CNTNAP4: variants seen among roughly 807,000 people sequenced by gnomAD.
The protein encoded by CNTNAP4 is contactin associated protein family member 4.
A neutral mutation model predicts 148.4 loss-of-function variants in CNTNAP4; 98 were observed. The observed-to-expected ratio is 0.66, with a 90% CI of 0.56 to 0.78. CNTNAP4 has a LOEUF of 0.78. Among genes scored for constraint, CNTNAP4 ranks in the 30% least tolerant of loss-of-function variants. The pLI is 0.00. For missense variants in CNTNAP4, 1,935 were observed against 1,565.6 expected (o/e 1.24, Z -3.98); for synonymous variants, 730 against 565.1 (o/e 1.29, Z -4.14).
intron 10 of CNTNAP4, among the ~76,000 whole-genome samples, chr16:76,474,987 A>G (rs2081513147): frequency 6.6e-6 from 1 of 152,194 alleles, no homozygotes; most frequent in Non-Finnish European, 1.5e-5. Context: ...CCGTTTCTCA[A>G]GACTTGAAAC....
intron 7 of CNTNAP4, among the ~76,000 whole-genome samples, chr16:76,450,530 C>T (rs1401612012): frequency 6.6e-6 from 1 of 152,128 alleles, no homozygotes; most frequent in Non-Finnish European, 1.5e-5. Flanking sequence ...CAGATAACAA[C>T]CATGTATATT....
At chr16:76,409,871 G>A (rs1452394698) in intron 3 of CNTNAP4, among the ~76,000 whole-genome samples, 1 of 151,898 alleles carries the variant, frequency 6.6e-6, no homozygotes, top group Non-Finnish European at 1.5e-5. Flanking sequence ...TGTGCCATCT[G>A]TGAAGACTTA....
chr16:76,373,619 G>A (rs995121592), intron 3 of CNTNAP4, among the ~76,000 whole-genome samples: 1 of 152,190 alleles, frequency 6.6e-6, no homozygotes, highest in African/African-American at 2.4e-5. Context: ...GACAGGCGCA[G>A]TGGCTCATCT....
Position 76,448,165 on chromosome 16 carries a change from A to C in CNTNAP4, c.692A>C (p.His231Pro). The change falls in exon 5 of 24, where the codon CAC becomes CCC. Residue 231 changes from histidine (H) to proline (P), a missense_variant. Coordinates refer to ENST00000611870, the MANE Select transcript of CNTNAP4 (RefSeq NM_033401.5). Reference sequence around the variant, plus strand: ...CACAGGGAAGGGCCAAATGGAGATCACATCACACTGCAATTAAGAAGAGCA... The same window carrying C: ...CACAGGGAAGGGCCAAATGGAGATCCCATCACACTGCAATTAAGAAGAGCA... Reference protein sequence around the residue: ...LLHREGPNGDHITLQLRRARL... With the variant: ...LLHREGPNGDPITLQLRRARL... 6.2e-7 allele frequency: 1 copy of C among 1,613,708 alleles called. No individual in the cohort carries two copies.
chr16:76,466,489 C>A (rs776792868), intron 9 of CNTNAP4, among the ~76,000 whole-genome samples: 1 of 152,026 alleles, frequency 6.6e-6, no homozygotes. Flanking sequence ...ACTTTGCATG[C>A]CTGTTTCAAA....
chr16:76,443,307 C>T (rs894788193), intron 4 of CNTNAP4, among the ~76,000 whole-genome samples: 13 of 152,150 alleles, frequency 8.5e-5, no homozygotes, highest in Non-Finnish European at 1.5e-4. Context: ...TCAGATTTCA[C>T]ATTTTTCCTA....
chr16:76,344,199 C>CATATATAT (rs58551609), intron 2 of CNTNAP4, among the ~76,000 whole-genome samples: 4 of 149,658 alleles, frequency 2.7e-5, no homozygotes, highest in African/African-American at 9.8e-5. Context: ...TACATACACA[C>CATATATAT]ATATATATAT....
chr16:76,339,937 A>T (rs1446232986), intron 2 of CNTNAP4, among the ~76,000 whole-genome samples: 1 of 152,244 alleles, frequency 6.6e-6, no homozygotes, highest in African/African-American at 2.4e-5. Context: ...GGGAAAGTTG[A>T]TATTTTAACT....
At chr16:76,413,409 C>T (rs569017538) in intron 3 of CNTNAP4, among the ~76,000 whole-genome samples, 5 of 151,306 alleles carry the variant, frequency 3.3e-5, no homozygotes, top group Admixed American at 3.3e-4. Context: ...TTTTTCTCCC[C>T]ACTGCTCTGC....
chr16:76,463,792 G>A (rs1032363051), intron 9 of CNTNAP4, among the ~76,000 whole-genome samples: 2 of 152,042 alleles, frequency 1.3e-5, no homozygotes, highest in Non-Finnish European at 2.9e-5. Flanking sequence ...ATGCTCTCCT[G>A]AATTTGGGTT....
intron 1 of CNTNAP4, among the ~76,000 whole-genome samples, chr16:76,311,682 A>G (rs2144041099): frequency 6.6e-6 from 1 of 152,304 alleles, no homozygotes; most frequent in East Asian, 1.9e-4. Flanking sequence ...AGTGATGTTC[A>G]TTTCTTCTCT....
chr16:76,470,378 C>T (rs2081320474), intron 10 of CNTNAP4, among the ~76,000 whole-genome samples: 1 of 150,968 alleles, frequency 6.6e-6, no homozygotes, highest in African/African-American at 2.5e-5. Context: ...CGGTGACTCA[C>T]ACCTGTAATC....
chr16:76,403,094 A>AT lies in CNTNAP4; in HGVS notation c.391-24342dup, dbSNP rs796440968. Among the ~76,000 whole-genome samples, 894 of 129,830 alleles carry AT rather than the reference A, an allele frequency of 6.9e-3. 9 individuals carry two copies. Among genetic ancestry groups the AT allele is most frequent in the East Asian group, 0.037 (176 of 4,764 alleles). The allele number at this position is 129,830 out of a possible 152,430, so 85.2% of individuals were successfully genotyped here. A position where few individuals can be genotyped will look rare whatever the true frequency, so the allele number is the denominator to read the frequency against. ...AACACTGTTGTTGTTGTTGGGTTTT[A>AT]TTTTTTTTTTTTTTTTGAGACGAAG... On this transcript the variant is annotated intron_variant, in intron 3 of 23. Transcript: ENST00000611870.
chr16:76,295,659 C>T (rs9922992), intron 1 of CNTNAP4, among the ~76,000 whole-genome samples: 3,037 of 152,252 alleles, frequency 0.02, 107 homozygotes, highest in African/African-American at 0.068. Flanking sequence ...GGACTGACAG[C>T]ACGTCATGGC....
chr16:76,542,380 G>A (rs1301139086), intron 21 of CNTNAP4, among the ~76,000 whole-genome samples: 1 of 152,106 alleles, frequency 6.6e-6, no homozygotes, highest in Non-Finnish European at 1.5e-5. Flanking sequence ...ACATTAGAGG[G>A]TCTTATTCCA....
Position 76,535,865 on chromosome 16 carries a change from ATTTG to A in CNTNAP4, c.2995+82_2995+85del. Reference sequence around the variant, plus strand: ...TCTGGCAGTTCTTTTCTATGCAGCTATTTGAAACAAAAAAAATTCAATTTCTGAA... The same window carrying A: ...TCTGGCAGTTCTTTTCTATGCAGCTAAAACAAAAAAAATTCAATTTCTGAA... On this transcript the variant is annotated intron_variant, in intron 18 of 23. Transcript: ENST00000611870. 2.8e-6 allele frequency: 4 copies of A among 1,449,714 alleles called. No individual in the cohort carries two copies. In the Admixed American group the frequency reaches 9.4e-5, roughly 34 times the overall value. 89.8% of individuals were successfully genotyped at this position (1,449,714 alleles called of 1,614,324 possible).
chr16:76,517,504 T>C lies in CNTNAP4; in HGVS notation c.2366-3636T>C, dbSNP rs141900395. Among the ~76,000 whole-genome samples the C allele has an allele frequency of 4.5e-4, 69 of 152,374 alleles. 1 individual carries two copies. In the East Asian group the frequency reaches 0.013, roughly 29 times the overall value. On this transcript the variant is annotated intron_variant, in intron 15 of 23. Coordinates refer to ENST00000611870, the MANE Select transcript of CNTNAP4 (RefSeq NM_033401.5). ...AAGCATTCAGAAAGACTCATTTGAA[T>C]AGTGAATGATTCCTTGCTTCGGCAT... is the stretch of plus-strand genomic sequence containing the variant.
Position 76,470,482 on chromosome 16 carries a change from A to AATATATATATATATATATATATAT in CNTNAP4, c.1655+2974_1655+2975insTATATATATATATATATATATATA, listed in dbSNP as rs67354977. On this transcript the variant is annotated intron_variant, in intron 10 of 23. Transcript: ENST00000611870. ...ATAGCAAAACCACGTCTCTACTAAT[A>AATATATATATATATATATATATAT]ATATATATATATATAAAATTAGTCG... Among the ~76,000 whole-genome samples the AATATATATATATATATATATATAT allele has an allele frequency of 2.5e-3, 244 of 96,946 alleles. 15 individuals are homozygous for AATATATATATATATATATATATAT. The highest frequency in any genetic ancestry group is 0.016 in the South Asian group (37 of 2,352). The allele number at this position is 96,946 out of a possible 152,430, so 63.6% of individuals were successfully genotyped here.
chr16:76,553,468 G>A lies in CNTNAP4; in HGVS notation c.3628G>A (p.Ala1210Thr), dbSNP rs750317273. 3 of 1,612,230 alleles carry A rather than the reference G, an allele frequency of 1.9e-6. No homozygotes were observed. Among genetic ancestry groups the A allele is most frequent in the African/African-American group, 1.3e-5 (1 of 74,986 alleles). Residue 1210 changes from alanine (A) to threonine (T), a missense_variant, in exon 22 of 24, where the codon GCC becomes ACC. Transcript: ENST00000611870. The stretch of plus-strand genomic sequence containing the variant: ...CTGTATGGCCCAGCCTGGCACTGAT[G>A]CCACATCAAGGGAAAGGACACACTC... The part of the protein sequence containing the change: ...SSCMAQPGTD[A>T]TSRERTHSFA...
Sources: allele counts gnomAD v4.1 joint callset (sites outside exome capture counted in the v4.1 genomes callset), GRCh38; gene constraint gnomAD v4.1.1; transcripts MANE v1.5; gene names NCBI Gene and HGNC (gene_info 2026-07-23, HGNC 2026-07-21).